The following PRR5L variants were observed in gnomAD, a reference collection of about 807,000 sequenced individuals.
PRR5L encodes the protein proline rich 5 like, also known as proline-rich protein 5-like.
In PRR5L, 21 loss-of-function variants were observed where a neutral mutation model predicts 36.4. That is an observed-to-expected ratio of 0.58 (90% confidence interval 0.41 to 0.83). PRR5L has a LOEUF of 0.83. Among genes scored for constraint, PRR5L ranks in the 40% least tolerant of loss-of-function variants. The pLI, the probability that PRR5L is intolerant of heterozygous loss-of-function variation, is 0.00. For missense variants in PRR5L, 381 were observed against 473.3 expected (o/e 0.80, Z 1.81); for synonymous variants, 188 against 197.0 (o/e 0.95, Z 0.38).
At chr11:36,311,921 T>A (rs1856507861) in intron 1 of PRR5L, among the ~76,000 whole-genome samples, 1 of 152,198 alleles carries the variant, frequency 6.6e-6, no homozygotes, top group African/African-American at 2.4e-5. Context: ...GGTAAATCCA[T>A]ACACTGTAAC....
chr11:36,437,593 T>C, intron 6 of PRR5L, 117 bp downstream of exon 6: 1 of 643,954 alleles, frequency 1.6e-6, no homozygotes. Flanking sequence ...GGCGCTTGTA[T>C]TGGTTAAGGA....
intron 2 of PRR5L, among the ~76,000 whole-genome samples, chr11:36,401,885 A>G (rs928405024): frequency 3.9e-5 from 6 of 152,222 alleles, no homozygotes; most frequent in Non-Finnish European, 8.8e-5. Flanking sequence ...ATTCATGCTC[A>G]TTAGTCACAC....
At chr11:36,330,702 T>A (rs1267921877) in intron 1 of PRR5L, among the ~76,000 whole-genome samples, 1 of 152,230 alleles carries the variant, frequency 6.6e-6, no homozygotes, top group African/African-American at 2.4e-5. Flanking sequence ...AAAATTTCAT[T>A]GTCTCTGTGA....
At chr11:36,366,148 G>C (rs1857141796) in intron 1 of PRR5L, among the ~76,000 whole-genome samples, 1 of 152,170 alleles carries the variant, frequency 6.6e-6, no homozygotes, top group Non-Finnish European at 1.5e-5. Flanking sequence ...ATAATTTGTA[G>C]TTATTTCTAC....
intron 1 of PRR5L, among the ~76,000 whole-genome samples, chr11:36,325,394 C>T (rs555892364): frequency 6.6e-6 from 1 of 152,206 alleles, no homozygotes; most frequent in South Asian, 2.1e-4. Flanking sequence ...GGAGCGAAAG[C>T]TCAGCTCGAG....
At chr11:36,409,731 C>A (rs75247487) in intron 3 of PRR5L, among the ~76,000 whole-genome samples, 8,195 of 152,212 alleles carry the variant, frequency 0.054, 247 homozygotes, top group East Asian at 0.081. Context: ...TTAGTATATG[C>A]CAGGTTCCAA....
At position 36,316,138 on chromosome 11, in the gene PRR5L, T is replaced by C. The variant is rs534475272; in HGVS notation, c.-126+19700T>C. On this transcript the variant is annotated intron_variant, in intron 1 of 8. Transcript: ENST00000530639. Reference sequence around the variant, plus strand: ...TTATGAAGGGCGAGATAGAAAATAATTTAGGCACCGAGGGCCATATGGTCT... The same window carrying C: ...TTATGAAGGGCGAGATAGAAAATAACTTAGGCACCGAGGGCCATATGGTCT... Among the ~76,000 whole-genome samples, 150 of 152,304 alleles carry C rather than the reference T, an allele frequency of 9.8e-4. 1 individual carries two copies. Among genetic ancestry groups the C allele is most frequent in the African/African-American group, 3.5e-3 (145 of 41,570 alleles).
At chr11:36,330,099 A>G (rs1008404078) in intron 1 of PRR5L, among the ~76,000 whole-genome samples, 2 of 152,214 alleles carry the variant, frequency 1.3e-5, no homozygotes, top group African/African-American at 4.8e-5. Context: ...TTACGCAAAT[A>G]GCTGTATTGC....
intron 1 of PRR5L, chr11:36,297,251 G>T (rs1389659313): frequency 6.6e-6 from 1 of 152,140 alleles, no homozygotes; most frequent in Non-Finnish European, 1.5e-5. Flanking sequence ...TGCTTCTCTA[G>T]GTCATGGTGT....
intron 8 of PRR5L, among the ~76,000 whole-genome samples, chr11:36,452,488 G>A (rs1476647072): frequency 6.6e-6 from 1 of 152,212 alleles, no homozygotes; most frequent in Non-Finnish European, 1.5e-5. Context: ...GGAGGGTGCT[G>A]GCCCCAGCCT....
chr11:36,321,319 T>G (rs1856611788), intron 1 of PRR5L: 1 of 152,228 alleles, frequency 6.6e-6, no homozygotes, highest in South Asian at 2.1e-4. Flanking sequence ...TGGTTGCCAG[T>G]AGACCCAGGG....
intron 1 of PRR5L, among the ~76,000 whole-genome samples, chr11:36,365,887 G>T (rs1355802557): frequency 6.6e-6 from 1 of 152,182 alleles, no homozygotes; most frequent in Non-Finnish European, 1.5e-5. Context: ...CACCTGGCTG[G>T]CGTGTCTCAC....
intron 1 of PRR5L, among the ~76,000 whole-genome samples, chr11:36,331,312 C>A (rs532524031): frequency 3.1e-4 from 47 of 152,220 alleles, no homozygotes; most frequent in African/African-American, 1.1e-3. Flanking sequence ...ATTTTTCAGG[C>A]GCTGTCTTGA....
intron 1 of PRR5L, among the ~76,000 whole-genome samples, chr11:36,392,149 A>T (rs917648664): frequency 5.3e-5 from 8 of 152,170 alleles, no homozygotes; most frequent in Non-Finnish European, 1.0e-4. Flanking sequence ...ACAGGATCTC[A>T]TTCTTTTTTA....
intron 5 of PRR5L, among the ~76,000 whole-genome samples, chr11:36,432,472 C>T (rs142260169): frequency 9.9e-5 from 15 of 152,272 alleles, no homozygotes; most frequent in Middle Eastern, 3.4e-3. Context: ...GAGATAGAAA[C>T]AGGTTCCAAA....
intron 1 of PRR5L, among the ~76,000 whole-genome samples, chr11:36,308,037 C>T (rs1856453393): frequency 6.6e-6 from 1 of 152,154 alleles, no homozygotes; most frequent in Non-Finnish European, 1.5e-5. Context: ...AATGGAATTC[C>T]CTCTCAGTCT....
At chr11:36,389,478 A>G (rs1362789887) in intron 1 of PRR5L, among the ~76,000 whole-genome samples, 1 of 152,258 alleles carries the variant, frequency 6.6e-6, no homozygotes, top group East Asian at 1.9e-4. Flanking sequence ...ACCATTTGAC[A>G]GACAAGGACA....
In PRR5L at chr11:36,444,948, G is replaced by T. The variant is rs190493991; in HGVS notation, c.445-1352G>T. Among the ~76,000 whole-genome samples the T allele has an allele frequency of 5.9e-5, 9 of 152,314 alleles. No homozygotes were observed. In the East Asian group the frequency reaches 1.5e-3, roughly 26 times the overall value. ...TCCATCAATCCATCCAACAGAGGTA[G>T]TACCAACTGGCCAACTTTTAAAAGA... On this transcript the variant is annotated intron_variant, in intron 6 of 8. Coordinates refer to ENST00000530639, the MANE Select transcript of PRR5L (RefSeq NM_001160167.2).
intron 1 of PRR5L, among the ~76,000 whole-genome samples, chr11:36,382,850 A>G (rs1235958594): frequency 4.6e-5 from 7 of 152,228 alleles, no homozygotes; most frequent in Admixed American, 1.3e-4. Flanking sequence ...CTAGTTGTAC[A>G]TCAGAATCAC....
Sources: gnomAD v4.1 joint callset for allele counts (sites outside exome capture counted in the v4.1 genomes callset) on GRCh38, gnomAD v4.1.1 for gene constraint, MANE v1.5 for transcripts, NCBI Gene and HGNC (gene_info 2026-07-23, HGNC 2026-07-21) for gene names.